Variants in CALN1 observed in about 807,000 individuals in gnomAD.
CALN1 encodes the protein calneuron 1, also known as calcium-binding protein 8.
In CALN1, 17 loss-of-function variants were observed where a neutral mutation model predicts 30.6. The ratio of observed to expected loss-of-function variants is 0.56; its 90% confidence interval spans 0.38 to 0.83. The LOEUF is 0.83. Ranked by LOEUF, CALN1 falls within the 40% of genes least tolerant of loss-of-function variation. The pLI, the probability that CALN1 is intolerant of heterozygous loss-of-function variation, is 0.00. For missense variants in CALN1, 291 were observed against 354.9 expected, an observed-to-expected ratio of 0.82 and a Z score of 1.45; for synonymous variants, 156 against 131.4, an observed-to-expected ratio of 1.19 and a Z score of -1.28.
intron 6 of CALN1, among the ~76,000 whole-genome samples, chr7:71,792,264 T>C (rs1056365683): frequency 6.6e-6 from 1 of 152,198 alleles, no homozygotes; most frequent in African/African-American, 2.4e-5. Flanking sequence ...TGGGATAAAC[T>C]GTAAGTCTAA....
chr7:72,008,407 A>C (rs1799890951), intron 5 of CALN1, among the ~76,000 whole-genome samples: 2 of 151,750 alleles, frequency 1.3e-5, no homozygotes, highest in South Asian at 4.1e-4. Flanking sequence ...TTTATATCTA[A>C]ATTATTTCAT....
At chr7:71,855,296 C>A (rs1339506503) in intron 5 of CALN1, among the ~76,000 whole-genome samples, 1 of 152,136 alleles carries the variant, frequency 6.6e-6, no homozygotes. Context: ...GCTCAGGAGT[C>A]CGTGTTTCAT....
intron 2 of CALN1, among the ~76,000 whole-genome samples, chr7:72,362,758 CT>C: frequency 6.6e-6 from 1 of 152,158 alleles, no homozygotes; most frequent in Non-Finnish European, 1.5e-5. Flanking sequence ...GCCTTTCTTC[CT>C]TTCTTCAAGG....
At chr7:72,301,197 T>A (rs1799235603) in intron 2 of CALN1, among the ~76,000 whole-genome samples, 3 of 152,024 alleles carry the variant, frequency 2.0e-5, no homozygotes, top group African/African-American at 2.4e-5. Context: ...CAGAGTATAG[T>A]CCCAGTCAGC....
intron 5 of CALN1, among the ~76,000 whole-genome samples, chr7:72,002,641 T>C (rs1023518970): frequency 1.3e-5 from 2 of 152,162 alleles, no homozygotes; most frequent in East Asian, 1.9e-4. Flanking sequence ...AACTTTGATG[T>C]AGAAAATCCC....
intron 2 of CALN1, among the ~76,000 whole-genome samples, chr7:72,364,921 G>A (rs1307219279): frequency 6.6e-6 from 1 of 151,626 alleles, no homozygotes. Flanking sequence ...TGCAATCCCA[G>A]CACTCTGGGA....
At chr7:72,086,188 T>G (rs1346025573) in intron 4 of CALN1, among the ~76,000 whole-genome samples, 2 of 152,152 alleles carry the variant, frequency 1.3e-5, no homozygotes, top group East Asian at 3.9e-4. Flanking sequence ...AATGATCACT[T>G]GTGTACATTA....
intron 2 of CALN1, among the ~76,000 whole-genome samples, chr7:72,306,537 G>A (rs367690673): frequency 2.0e-5 from 3 of 150,240 alleles, no homozygotes; most frequent in East Asian, 3.9e-4. Flanking sequence ...TTCTCCAGTC[G>A]CCCACCTGGC....
At chr7:72,442,353 G>A (rs935106285) in intron 1 of CALN1, among the ~76,000 whole-genome samples, 1 of 152,182 alleles carries the variant, frequency 6.6e-6, no homozygotes, top group African/African-American at 2.4e-5. Context: ...TTCTTACAAC[G>A]CCTCCAAGAG....
At chr7:71,875,160 CAAAAAAAAA>C (rs3063970) in intron 5 of CALN1, among the ~76,000 whole-genome samples, 69 of 68,746 alleles carry the variant, frequency 1.0e-3, no homozygotes, top group Admixed American at 3.4e-3. Flanking sequence ...GACTCTGTCT[CAAAAAAAAA>C]AAAAAAAAAA....
At chr7:71,909,159 G>A (rs1266733728) in intron 5 of CALN1, among the ~76,000 whole-genome samples, 1 of 152,092 alleles carries the variant, frequency 6.6e-6, no homozygotes, top group Non-Finnish European at 1.5e-5. Context: ...TGGGACAATA[G>A]GCAGGCACCA....
At chr7:72,252,686 C>T (rs541908418) in intron 3 of CALN1, among the ~76,000 whole-genome samples, 1 of 152,182 alleles carries the variant, frequency 6.6e-6, no homozygotes, top group South Asian at 2.1e-4. Context: ...CTTCCAACCT[C>T]CAGGGCCACC....
At chr7:72,492,664 G>GT in the CALN1 span, among the ~76,000 whole-genome samples, 1 of 152,224 alleles carries the variant, frequency 6.6e-6, no homozygotes, top group East Asian at 1.9e-4. Context: ...GGCTCTAATA[G>GT]TTGGACTAGT....
chr7:71,791,522 A>C (rs568693015), intron 6 of CALN1, among the ~76,000 whole-genome samples: 2 of 152,278 alleles, frequency 1.3e-5, no homozygotes, highest in Admixed American at 1.3e-4. Flanking sequence ...GATGCAAAGA[A>C]GGGAACCACA....
At chr7:72,179,221 C>T (rs1339339234) in intron 3 of CALN1, among the ~76,000 whole-genome samples, 2 of 152,196 alleles carry the variant, frequency 1.3e-5, no homozygotes, top group East Asian at 1.9e-4. Context: ...TCTATTTATA[C>T]GTCTAACCAG....
chr7:72,204,414 C>A (rs1348293469), intron 3 of CALN1, among the ~76,000 whole-genome samples: 2 of 152,096 alleles, frequency 1.3e-5, no homozygotes, highest in African/African-American at 4.8e-5. Context: ...ATATTATTTT[C>A]AATGACCATA....
chr7:72,358,279 G>C (rs1013087403), intron 2 of CALN1, among the ~76,000 whole-genome samples: 1 of 151,962 alleles, frequency 6.6e-6, no homozygotes, highest in African/African-American at 2.4e-5. Flanking sequence ...ATAGGTGTGA[G>C]CCACTACCAC....
At chr7:71,799,310 G>C (rs1424597297) in intron 6 of CALN1, among the ~76,000 whole-genome samples, 1 of 152,168 alleles carries the variant, frequency 6.6e-6, no homozygotes, top group East Asian at 1.9e-4. Context: ...CCTCACTCAA[G>C]TGAGGGCATG....
At chr7:72,302,466 A>G (rs571116731) in intron 2 of CALN1, among the ~76,000 whole-genome samples, 2 of 152,284 alleles carry the variant, frequency 1.3e-5, no homozygotes, top group East Asian at 1.9e-4. Flanking sequence ...CACCCAGTCA[A>G]AATCCAATCA....
Sources: gnomAD v4.1 joint callset for allele counts (sites outside exome capture counted in the v4.1 genomes callset) on GRCh38, gnomAD v4.1.1 for gene constraint, MANE v1.5 for transcripts, NCBI Gene and HGNC (gene_info 2026-07-23, HGNC 2026-07-21) for gene names.